The following TSGA10 variants were observed in gnomAD, a reference collection of about 807,000 sequenced individuals.
TSGA10 encodes testis-specific gene 10 protein.
Under a neutral mutation model 96.6 loss-of-function variants are expected in TSGA10, and 43 were observed. That is an observed-to-expected ratio of 0.44 (90% confidence interval 0.35 to 0.57). TSGA10 has a LOEUF of 0.57. TSGA10 is among the 20% of genes least tolerant of loss of function. The pLI, the probability that TSGA10 is intolerant of heterozygous loss-of-function variation, is 0.01. For synonymous variants in TSGA10, 229 were observed against 269.9 expected (o/e 0.85, Z 1.48); for missense variants, 703 against 834.4 (o/e 0.84, Z 1.94).
intron 10 of TSGA10, chr2:99,101,960 C>T (rs1489237321): frequency 1.2e-6 from 1 of 808,814 alleles, no homozygotes; most frequent in South Asian, 1.6e-5. Context: ...TAGAGATCTG[C>T]TTTACCACAC....
At chr2:99,139,589 G>A (rs1365153300) in intron 1 of TSGA10, among the ~76,000 whole-genome samples, 1 of 151,956 alleles carries the variant, frequency 6.6e-6, no homozygotes, top group African/African-American at 2.4e-5. Flanking sequence ...GAAGGATGTG[G>A]AAAACCATAC....
intron 13 of TSGA10, 96 bp downstream of exon 13, chr2:99,072,922 G>A (rs575860152): frequency 3.0e-5 from 25 of 823,220 alleles, no homozygotes; most frequent in East Asian, 7.5e-5. Flanking sequence ...CACCTTACAC[G>A]TATCATTAAG....
At position 99,117,693 on chromosome 2, in the gene TSGA10, C is replaced by T; in HGVS notation, c.-289G>A. 1.0e-6 allele frequency: 1 copy of T among 985,770 alleles called. No individual in the cohort carries two copies. Among genetic ancestry groups the T allele is most frequent in the Non-Finnish European group, 1.2e-6 (1 of 829,900 alleles). The allele number at this position is 985,770 out of a possible 1,614,324, so 61.1% of individuals were successfully genotyped here. On this transcript the variant is annotated 5_prime_UTR_variant, in exon 4 of 21. Transcript: ENST00000393483. ...TCATCTACTTGACTGCTTACCACCT[C>T]CTTACTATCCAAGAGTTTCCTAACA... is the stretch of plus-strand genomic sequence containing the variant.
intron 20 of TSGA10, among the ~76,000 whole-genome samples, chr2:99,007,273 C>T (rs985606211): frequency 6.6e-6 from 1 of 151,872 alleles, no homozygotes; most frequent in African/African-American, 2.4e-5. Flanking sequence ...CACATGCACC[C>T]TAGATCTTAA....
chr2:99,078,921 A>T (rs533747178), intron 11 of TSGA10, 108 bp from the exon 12 acceptor site: 2 of 960,294 alleles, frequency 2.1e-6, no homozygotes, highest in Non-Finnish European at 2.9e-6. Flanking sequence ...AATATATATT[A>T]TATTCAATTA....
intron 1 of TSGA10, among the ~76,000 whole-genome samples, chr2:99,139,392 T>C (rs1055177009): frequency 2.0e-5 from 3 of 152,226 alleles, no homozygotes; most frequent in Non-Finnish European, 4.4e-5. Context: ...ATGAAGCACA[T>C]AATATGTATT....
At chr2:99,140,509 T>C (rs908442902) in intron 1 of TSGA10, among the ~76,000 whole-genome samples, 5 of 151,952 alleles carry the variant, frequency 3.3e-5, no homozygotes, top group African/African-American at 1.2e-4. Context: ...AAAAACCATA[T>C]TTCTGTGAGT....
At chr2:99,047,738 A>G (rs2082946088) in intron 16 of TSGA10, among the ~76,000 whole-genome samples, 1 of 152,212 alleles carries the variant, frequency 6.6e-6, no homozygotes, top group South Asian at 2.1e-4. Flanking sequence ...AGGCAGGAGA[A>G]AGAAATAAAG....
At chr2:99,005,164 T>C (rs1196942888) in intron 20 of TSGA10, among the ~76,000 whole-genome samples, 2 of 152,208 alleles carry the variant, frequency 1.3e-5, no homozygotes. Flanking sequence ...GAGCTACTTA[T>C]GACAAACCCA....
intron 1 of TSGA10, among the ~76,000 whole-genome samples, chr2:99,139,094 T>C (rs1278326436): frequency 6.6e-6 from 1 of 152,102 alleles, no homozygotes; most frequent in Non-Finnish European, 1.5e-5. Context: ...TTCCTGTATC[T>C]ACAAAAATTA....
rs139267243 is a variant in TSGA10 at position 99,041,107 on chromosome 2, T to A, written c.1405-5668A>T. Among the ~76,000 whole-genome samples, 49 of 152,370 alleles carry A rather than the reference T, an allele frequency of 3.2e-4. No individual in the cohort carries two copies. In the East Asian group the frequency reaches 6.4e-3, roughly 20 times the overall value. On this transcript the variant is annotated intron_variant, in intron 16 of 20. Coordinates refer to ENST00000393483, the MANE Select transcript of TSGA10 (RefSeq NM_025244.4). ...TGCACTTACCTATTTAGGAAAGTTT[T>A]AGGTTATTAGCAAATTGGGTATCAG...
chr2:99,141,187 C>CCACTCT, intron 1 of TSGA10: 1 of 1,215,444 alleles, frequency 8.2e-7, no homozygotes. Flanking sequence ...CAAGAACCGC[C>CCACTCT]CACTCTCCAT....
At chr2:99,102,524 T>G (rs1197522287) in intron 10 of TSGA10, 1 of 1,614,060 alleles carries the variant, frequency 6.2e-7, no homozygotes, top group African/African-American at 1.3e-5. Context: ...TTTACTTGTT[T>G]GATGAGATTG....
At chr2:99,115,886 A>G (rs996105749) in intron 4 of TSGA10, among the ~76,000 whole-genome samples, 1 of 152,150 alleles carries the variant, frequency 6.6e-6, no homozygotes, top group Non-Finnish European at 1.5e-5. Context: ...CTCAACAACA[A>G]CAAAAAAGTT....
rs777326003 is a variant in TSGA10 at position 99,068,934 on chromosome 2, T to C, written c.1172A>G (p.Asp391Gly). ...ELNDIKQKVQ[D>G]TNLEVNKLKN... Reference sequence around the variant, plus strand: ...CAGCTTGTTAACCTCCAAATTAGTATCTTGAACCTTCTGTTTTATGTCATT... The same window carrying C: ...CAGCTTGTTAACCTCCAAATTAGTACCTTGAACCTTCTGTTTTATGTCATT... Residue 391 changes from aspartate (D) to glycine (G), a missense_variant, in exon 15 of 21, where the codon GAT becomes GGT. Transcript: ENST00000393483. The C allele has an allele frequency of 1.9e-5, 28 of 1,471,694 alleles. No homozygotes were observed. The highest frequency in any genetic ancestry group is 2.4e-5 in the Non-Finnish European group (27 of 1,116,064). 91.2% of individuals were successfully genotyped at this position (1,471,694 alleles called of 1,614,324 possible).
At chr2:99,076,539 C>A (rs373536116) in intron 12 of TSGA10, among the ~76,000 whole-genome samples, 20 of 152,006 alleles carry the variant, frequency 1.3e-4, no homozygotes, top group East Asian at 5.8e-4. Flanking sequence ...ATCTATATCT[C>A]TATGGGATAT....
chr2:99,099,357 T>C (rs1466085366), intron 10 of TSGA10, among the ~76,000 whole-genome samples: 5 of 152,114 alleles, frequency 3.3e-5, no homozygotes, highest in Admixed American at 2.6e-4. Flanking sequence ...AGGTAAATTA[T>C]CAGCCAATCT....
intron 10 of TSGA10, among the ~76,000 whole-genome samples, chr2:99,097,923 A>T (rs1330432107): frequency 6.6e-6 from 1 of 152,146 alleles, no homozygotes; most frequent in Non-Finnish European, 1.5e-5. Context: ...TCACACAAAG[A>T]GGTAAGAAAT....
intron 16 of TSGA10, among the ~76,000 whole-genome samples, chr2:99,038,266 G>C (rs946725545): frequency 2.0e-5 from 3 of 151,896 alleles, no homozygotes; most frequent in African/African-American, 7.3e-5. Flanking sequence ...AAAGTATTCA[G>C]GCAACAAGTA....
Sources: allele counts gnomAD v4.1 joint callset (sites outside exome capture counted in the v4.1 genomes callset), GRCh38; gene constraint gnomAD v4.1.1; transcripts MANE v1.5; gene names NCBI Gene and HGNC (gene_info 2026-07-23, HGNC 2026-07-21).